The following MANBA variants were observed in gnomAD, a reference collection of about 807,000 sequenced individuals.
MANBA encodes mannosidase beta, also known as beta-mannosidase.
Under a neutral mutation model 111.1 loss-of-function variants are expected in MANBA, and 83 were observed. The ratio of observed to expected loss-of-function variants is 0.75; its 90% CI spans 0.63 to 0.90. The LOEUF (loss-of-function observed/expected upper bound fraction) is 0.90, where lower values mean the gene tolerates loss of function less well. MANBA is among the 40% of genes least tolerant of loss of function. The pLI, the probability that MANBA is intolerant of heterozygous loss-of-function variation, is 0.00. For missense variants in MANBA, 1,036 were observed against 1,069.0 expected, an observed-to-expected ratio of 0.97 and a Z score of 0.43; for synonymous variants, 370 against 378.7, an observed-to-expected ratio of 0.98 and a Z score of 0.27.
chr4:102,642,151 C>A (rs573776235), intron 13 of MANBA, among the ~76,000 whole-genome samples: 14 of 152,084 alleles, frequency 9.2e-5, no homozygotes, highest in Non-Finnish European at 1.8e-4. Flanking sequence ...CCTGGAAAAT[C>A]TCTAGAACTT....
chr4:102,676,017 T>C (rs925684601), intron 7 of MANBA, among the ~76,000 whole-genome samples: 2 of 152,116 alleles, frequency 1.3e-5, no homozygotes, highest in African/African-American at 4.8e-5. Flanking sequence ...CTGCACTATC[T>C]GTCTATATCT....
chr4:102,698,438 A>G (rs1381224498), intron 5 of MANBA, among the ~76,000 whole-genome samples: 5 of 149,216 alleles, frequency 3.4e-5, no homozygotes, highest in Admixed American at 6.7e-5. Flanking sequence ...GCCCATGCCT[A>G]TGTCCTGAAT....
intron 5 of MANBA, among the ~76,000 whole-genome samples, chr4:102,706,249 A>T (rs1578922267): frequency 6.6e-6 from 1 of 152,216 alleles, no homozygotes; most frequent in East Asian, 1.9e-4. Flanking sequence ...AAGTCCAAGG[A>T]CTGGCCTTCT....
At chr4:102,632,594 AAC>A (rs1578853431) in intron 16 of MANBA, among the ~76,000 whole-genome samples, 1 of 152,366 alleles carries the variant, frequency 6.6e-6, no homozygotes, top group East Asian at 1.9e-4. Context: ...TCAAGAGAGC[AAC>A]ATTTTTACAT....
intron 1 of MANBA, among the ~76,000 whole-genome samples, chr4:102,733,878 A>AC (rs1313447699): frequency 1.3e-5 from 2 of 152,364 alleles, no homozygotes; most frequent in Middle Eastern, 3.4e-3. Flanking sequence ...CATTTGTTGT[A>AC]ATTTTGTCTT....
chr4:102,681,039 T>A (rs1274581828), intron 7 of MANBA, among the ~76,000 whole-genome samples: 1 of 152,230 alleles, frequency 6.6e-6, no homozygotes, highest in African/African-American at 2.4e-5. Flanking sequence ...CAGTGGCTCA[T>A]GCCTATAACC....
At chr4:102,647,395 A>G (rs1560746288) in intron 13 of MANBA, among the ~76,000 whole-genome samples, 1 of 151,386 alleles carries the variant, frequency 6.6e-6, no homozygotes, top group Non-Finnish European at 1.5e-5. Context: ...CTCCACTTGC[A>G]TGCCCAGTTC....
chr4:102,642,769 T>C (rs1347418842), intron 13 of MANBA, among the ~76,000 whole-genome samples: 1 of 152,156 alleles, frequency 6.6e-6, no homozygotes, highest in Non-Finnish European at 1.5e-5. Context: ...TTGCTAGCTG[T>C]CTTCCAAAAC....
chr4:102,662,510 A>C (rs1004294497), intron 11 of MANBA: 1 of 145,002 alleles, frequency 6.9e-6, no homozygotes, highest in South Asian at 2.2e-4. Context: ...GCACTACTGC[A>C]CTCCAGCCTG....
chr4:102,751,648 T>C (rs1253415920), intron 1 of MANBA: 5 of 541,884 alleles, frequency 9.2e-6, no homozygotes. Context: ...GTTGTGGAAA[T>C]AGAATATGTG....
intron 5 of MANBA, among the ~76,000 whole-genome samples, chr4:102,714,149 T>C (rs1371398423): frequency 6.6e-6 from 1 of 152,126 alleles, no homozygotes; most frequent in African/African-American, 2.4e-5. Flanking sequence ...GCCCAGTTCT[T>C]TCAAGAAAGA....
At chr4:102,651,194 C>T (rs1271841296) in intron 12 of MANBA, among the ~76,000 whole-genome samples, 1 of 152,024 alleles carries the variant, frequency 6.6e-6, no homozygotes, top group Non-Finnish European at 1.5e-5. Flanking sequence ...TTAGCACTTA[C>T]ACTGTTCACT....
rs544788939 is a variant in MANBA, at chr4:102,752,396, C to T, written c.177+8322G>A. 133 of 1,109,152 alleles carry T rather than the reference C, an allele frequency of 1.2e-4. No homozygotes were observed. The African/African-American group carries it at 1.8e-3, about 15-fold the overall frequency. 68.7% of individuals were successfully genotyped at this position (1,109,152 alleles called of 1,614,324 possible). On this transcript the variant is annotated intron_variant, in intron 1 of 16. Transcript: ENST00000647097. ...CATTCTTTGGTGTCACTGTCCCTAA[C>T]TTCAAATACAGGTTGCGTGACATTA...
At position 102,737,368 on chromosome 4, in the gene MANBA, C is replaced by T. The variant is rs537138149; in HGVS notation, c.178-10685G>A. Among the ~76,000 whole-genome samples the T allele has an allele frequency of 6.6e-4, 100 of 152,192 alleles. 1 individual carries two copies. Among genetic ancestry groups the T allele is most frequent in the African/African-American group, 2.2e-3 (92 of 41,524 alleles). The stretch of plus-strand genomic sequence containing the variant: ...GGGGCAAGATCTCAGTCCTGCTCAC[C>T]GGCTGCCTGGATAGGAACTGATATA... On this transcript the variant is annotated intron_variant, in intron 1 of 16. Transcript: ENST00000647097.
At chr4:102,650,836 A>G in intron 12 of MANBA, 135 bp from the exon 13 acceptor site, 1 of 714,492 alleles carries the variant, frequency 1.4e-6, no homozygotes, top group South Asian at 1.6e-5. Context: ...CTCCAGTTTC[A>G]TAAATGTTTT....
intron 11 of MANBA, chr4:102,663,135 AG>A (rs1379416449): frequency 3.3e-5 from 5 of 152,136 alleles, no homozygotes; most frequent in Non-Finnish European, 4.4e-5. Flanking sequence ...TTCATTAAGC[AG>A]AAATGTGTTG....
chr4:102,657,534 T>TA, intron 12 of MANBA, 148 bp downstream of exon 12: 1 of 709,830 alleles, frequency 1.4e-6, no homozygotes, highest in Admixed American at 2.6e-5. Context: ...CCCCAAAGGT[T>TA]TAAAAAAATT....
intron 14 of MANBA, among the ~76,000 whole-genome samples, chr4:102,636,369 G>T (rs533819544): frequency 6.6e-6 from 1 of 152,300 alleles, no homozygotes; most frequent in South Asian, 2.1e-4. Context: ...AACCTGTACA[G>T]CATATTGCTG....
intron 5 of MANBA, among the ~76,000 whole-genome samples, chr4:102,713,650 C>T (rs886588464): frequency 3.9e-5 from 6 of 152,046 alleles, no homozygotes; most frequent in Admixed American, 2.6e-4. Context: ...GCCTGTAATC[C>T]CAGCACTTTG....
Sources: allele counts gnomAD v4.1 joint callset (sites outside exome capture counted in the v4.1 genomes callset), GRCh38; gene constraint gnomAD v4.1.1; transcripts MANE v1.5; gene names NCBI Gene and HGNC (gene_info 2026-07-23, HGNC 2026-07-21).